The following CDKAL1 variants were observed in gnomAD, a reference collection of about 807,000 sequenced individuals.
The protein encoded by CDKAL1 is CDKAL1 threonylcarbamoyladenosine tRNA methylthiotransferase, also known as threonylcarbamoyladenosine tRNA methylthiotransferase.
A neutral mutation model predicts 68.2 loss-of-function variants in CDKAL1; 32 were observed. The observed-to-expected ratio is 0.47, with a 90% CI of 0.35 to 0.63. CDKAL1 has a LOEUF of 0.63. Ranked by LOEUF, CDKAL1 falls within the 30% of genes least tolerant of loss-of-function variation. CDKAL1 has a pLI of 0.00. For synonymous variants in CDKAL1, 234 were observed against 244.3 expected, an observed-to-expected ratio of 0.96 and a Z score of 0.39; for missense variants, 606 against 696.7, an observed-to-expected ratio of 0.87 and a Z score of 1.47.
chr6:20,785,056 G>C (rs906053580), intron 8 of CDKAL1, among the ~76,000 whole-genome samples: 1 of 152,008 alleles, frequency 6.6e-6, no homozygotes, highest in African/African-American at 2.4e-5. Flanking sequence ...CACTGGATTT[G>C]GCATCACTCT....
intron 11 of CDKAL1, among the ~76,000 whole-genome samples, chr6:21,010,080 A>G (rs1474447143): frequency 6.6e-6 from 1 of 152,136 alleles, no homozygotes; most frequent in East Asian, 1.9e-4. Flanking sequence ...TTGTGTGCAT[A>G]TATCAAAATA....
At chr6:20,656,723 T>C (rs1476385699) in intron 5 of CDKAL1, among the ~76,000 whole-genome samples, 2 of 152,190 alleles carry the variant, frequency 1.3e-5, no homozygotes. Context: ...ATATATGTGT[T>C]ATTAATATGG....
intron 5 of CDKAL1, 83 bp downstream of exon 5, chr6:20,649,460 TATAG>T: frequency 1.4e-6 from 1 of 729,952 alleles, no homozygotes; most frequent in South Asian, 1.8e-5. Context: ...AAAATGTCAA[TATAG>T]ATATTTAGTT....
At chr6:21,024,997 A>G (rs1768881435) in intron 11 of CDKAL1, among the ~76,000 whole-genome samples, 1 of 152,210 alleles carries the variant, frequency 6.6e-6, no homozygotes, top group South Asian at 2.1e-4. Context: ...TTGATAAAAT[A>G]TTGGGTAGCA....
At position 20,870,461 on chromosome 6, in the gene CDKAL1, T is replaced by C. The variant is rs998115501; in HGVS notation, c.742+24283T>C. ...GCAGCAACAAGAGTTGGTTGAAAAC[T>C]CCTTTTAAGTTACATCTTGGGAATT... is the stretch of plus-strand genomic sequence containing the variant. On this transcript the variant is annotated intron_variant, in intron 9 of 15. Transcript: ENST00000274695. Among the ~76,000 whole-genome samples, 3 of 152,226 alleles carry C rather than the reference T, an allele frequency of 2.0e-5. No homozygotes were observed. In the South Asian group the frequency reaches 6.2e-4, roughly 31 times the overall value.
chr6:21,224,203 A>G (rs1779643200), intron 15 of CDKAL1, among the ~76,000 whole-genome samples: 1 of 152,208 alleles, frequency 6.6e-6, no homozygotes, highest in Admixed American at 6.5e-5. Context: ...GGAACTCTGC[A>G]GATGTGATTA....
intron 8 of CDKAL1, among the ~76,000 whole-genome samples, chr6:20,800,004 A>AT (rs1178820121): frequency 6.6e-6 from 1 of 152,228 alleles, no homozygotes; most frequent in Admixed American, 6.5e-5. Flanking sequence ...TTAGCCATAT[A>AT]TTTGGAAGAA....
intron 10 of CDKAL1, among the ~76,000 whole-genome samples, chr6:20,984,070 T>G (rs899547732): frequency 6.6e-6 from 1 of 152,218 alleles, no homozygotes; most frequent in African/African-American, 2.4e-5. Context: ...GAAGTAAAAC[T>G]ACTACGTTTT....
chr6:21,092,931 CAA>C (rs1326684015), intron 12 of CDKAL1, among the ~76,000 whole-genome samples: 2 of 122,582 alleles, frequency 1.6e-5, no homozygotes, highest in Admixed American at 8.1e-5. Context: ...AAAGTAGAAC[CAA>C]AAAAAAAAAT....
intron 5 of CDKAL1, among the ~76,000 whole-genome samples, chr6:20,716,615 T>C (rs1365168706): frequency 6.6e-6 from 1 of 152,026 alleles, no homozygotes; most frequent in East Asian, 1.9e-4. Context: ...ACTGGGCATA[T>C]GTTGGTACCA....
intron 13 of CDKAL1, among the ~76,000 whole-genome samples, chr6:21,178,145 T>C (rs1490358583): frequency 6.6e-6 from 1 of 151,996 alleles, no homozygotes; most frequent in African/African-American, 2.4e-5. Flanking sequence ...CAGGAGAAGA[T>C]GAGAGATGGA....
At chr6:20,624,581 C>T (rs968976026) in intron 4 of CDKAL1, among the ~76,000 whole-genome samples, 1 of 151,858 alleles carries the variant, frequency 6.6e-6, no homozygotes, top group Non-Finnish European at 1.5e-5. Flanking sequence ...CACCATGAGC[C>T]CCACAAACTC....
At chr6:21,196,261 A>AG (rs1778467945) in intron 13 of CDKAL1, among the ~76,000 whole-genome samples, 2 of 152,248 alleles carry the variant, frequency 1.3e-5, no homozygotes, top group Non-Finnish European at 2.9e-5. Context: ...ACAGATACTT[A>AG]TCCTAAGTCA....
At chr6:20,725,677 G>A (rs1446151115) in intron 5 of CDKAL1, among the ~76,000 whole-genome samples, 1 of 152,052 alleles carries the variant, frequency 6.6e-6, no homozygotes, top group Non-Finnish European at 1.5e-5. Context: ...CCAGCTATGC[G>A]GGAGGCTGAG....
chr6:20,947,309 G>A (rs1176989374), intron 9 of CDKAL1, among the ~76,000 whole-genome samples: 2 of 152,202 alleles, frequency 1.3e-5, no homozygotes, highest in African/African-American at 2.4e-5. Flanking sequence ...TGCATTTAAA[G>A]GCCAGGCTCA....
intron 6 of CDKAL1, among the ~76,000 whole-genome samples, chr6:20,739,895 G>A (rs62399287): frequency 0.059 from 9,032 of 152,230 alleles, 315 homozygotes; most frequent in African/African-American, 0.1. Context: ...TTGGCTGTCT[G>A]TTACCATCGC....
At chr6:21,218,283 T>G (rs959276149) in intron 15 of CDKAL1, among the ~76,000 whole-genome samples, 7 of 152,246 alleles carry the variant, frequency 4.6e-5, no homozygotes, top group Admixed American at 2.0e-4. Flanking sequence ...GCCTCTGTTA[T>G]GAATCAGATT....
chr6:20,723,084 A>G (rs981555128), intron 5 of CDKAL1, among the ~76,000 whole-genome samples: 6 of 152,138 alleles, frequency 3.9e-5, no homozygotes, highest in African/African-American at 1.4e-4. Flanking sequence ...GCTGCCACAC[A>G]AGCCCTTTGC....
At chr6:21,228,620 A>T (rs904144456) in intron 15 of CDKAL1, among the ~76,000 whole-genome samples, 2 of 152,202 alleles carry the variant, frequency 1.3e-5, no homozygotes, top group Admixed American at 6.5e-5. Context: ...TCACTCGATC[A>T]GTCATTCATT....
Sources: allele counts gnomAD v4.1 joint callset (sites outside exome capture counted in the v4.1 genomes callset), GRCh38; gene constraint gnomAD v4.1.1; transcripts MANE v1.5; gene names NCBI Gene and HGNC (gene_info 2026-07-23, HGNC 2026-07-21).